CRB1: variants seen among roughly 807,000 people sequenced by gnomAD.
CRB1 encodes protein crumbs homolog 1.
In CRB1, 83 loss-of-function variants were observed where a neutral mutation model predicts 120.0. The observed-to-expected ratio is 0.69, with a 90% CI of 0.58 to 0.83. The LOEUF is 0.83. CRB1 is among the 40% of genes least tolerant of loss of function. The pLI is 0.00. For missense variants in CRB1, 1,699 were observed against 1,687.6 expected, an observed-to-expected ratio of 1.01 and a Z score of -0.12; for synonymous variants, 625 against 612.5, an observed-to-expected ratio of 1.02 and a Z score of -0.30.
intron 11 of CRB1, among the ~76,000 whole-genome samples, chr1:197,473,120 AATTT>A (rs1667052606): frequency 6.6e-6 from 1 of 152,150 alleles, no homozygotes; most frequent in African/African-American, 2.4e-5. Context: ...TCAGGCCTTG[AATTT>A]GCTCTTTCAT....
At chr1:197,296,467 C>T (rs1656527174) in intron 1 of CRB1, among the ~76,000 whole-genome samples, 1 of 152,060 alleles carries the variant, frequency 6.6e-6, no homozygotes. Context: ...GAATTTCCTT[C>T]ATATTTTCTT....
At position 197,288,622 on chromosome 1, in the gene CRB1, A is replaced by G. The variant is rs563426046; in HGVS notation, c.70+20140A>G. 4.6e-5 allele frequency among the ~76,000 whole-genome samples: 7 copies of G among 152,060 alleles called. No homozygotes were observed. The East Asian group carries it at 1.4e-3, about 30-fold the overall frequency. On this transcript the variant is annotated intron_variant, in intron 1 of 11. Coordinates refer to ENST00000367400, the MANE Select transcript of CRB1 (RefSeq NM_201253.3). ...ATTCCAGATGTTCAAAAAGTTAAGT[A>G]GAATTATGAGATATGAGAAAGATTC...
intron 11 of CRB1, among the ~76,000 whole-genome samples, chr1:197,477,069 G>A (rs1043151969): frequency 2.0e-5 from 3 of 152,196 alleles, no homozygotes; most frequent in Non-Finnish European, 4.4e-5. Context: ...TGGATTCAGC[G>A]TTAAGCACAT....
upstream of CRB1, among the ~76,000 whole-genome samples, chr1:197,264,882 C>T (rs1378626694): frequency 6.6e-6 from 1 of 152,042 alleles, no homozygotes; most frequent in Non-Finnish European, 1.5e-5. Context: ...GCCTCAGCCT[C>T]CCAGAGTGCT....
At chr1:197,228,805 A>G in the CRB1 span, among the ~76,000 whole-genome samples, 7 of 152,204 alleles carry the variant, frequency 4.6e-5, no homozygotes, top group African/African-American at 1.7e-4. Flanking sequence ...AAGAGGTTTA[A>G]TTGGATTTAC....
upstream of CRB1, chr1:197,268,138 C>T (rs1654702998): frequency 2.4e-6 from 1 of 421,550 alleles, no homozygotes. Flanking sequence ...GCAGCAAAGG[C>T]TTGAGGGGGG....
At chr1:197,337,413 T>A (rs181813109) in intron 2 of CRB1, among the ~76,000 whole-genome samples, 271 of 152,322 alleles carry the variant, frequency 1.8e-3, no homozygotes, top group African/African-American at 6.3e-3. Flanking sequence ...AGGCTCAGCC[T>A]AGATGTTCTC....
intron 5 of CRB1, among the ~76,000 whole-genome samples, chr1:197,369,531 CA>C (rs140105481): frequency 0.016 from 2,469 of 151,394 alleles, 81 homozygotes; most frequent in African/African-American, 0.057. Flanking sequence ...CTGCCATTGG[CA>C]AAAAAAACTA....
At chr1:197,277,075 A>G (rs1033849930) in intron 1 of CRB1, among the ~76,000 whole-genome samples, 6 of 152,090 alleles carry the variant, frequency 3.9e-5, no homozygotes, top group Admixed American at 3.3e-4. Context: ...TTTGGCAAAC[A>G]CTACAAATCA....
intron 4 of CRB1, among the ~76,000 whole-genome samples, chr1:197,352,584 A>G (rs753385952): frequency 1.3e-5 from 2 of 152,166 alleles, no homozygotes; most frequent in Admixed American, 6.5e-5. Context: ...AATAATATTC[A>G]AAAGGTAGAC....
chr1:197,275,333 A>G (rs755029210), intron 1 of CRB1, among the ~76,000 whole-genome samples: 9 of 152,140 alleles, frequency 5.9e-5, no homozygotes, highest in Admixed American at 2.0e-4. Flanking sequence ...ACTCTGATAT[A>G]TGATTTAAAA....
At chr1:197,229,172 TA>T in the CRB1 span, among the ~76,000 whole-genome samples, 2 of 152,060 alleles carry the variant, frequency 1.3e-5, no homozygotes, top group Admixed American at 6.6e-5. Flanking sequence ...GAGAAATAAA[TA>T]GGTGTTATGT....
intron 11 of CRB1, among the ~76,000 whole-genome samples, chr1:197,471,935 T>C (rs1378785329): frequency 6.6e-6 from 1 of 152,192 alleles, no homozygotes; most frequent in Non-Finnish European, 1.5e-5. Context: ...ATTCCTTTTT[T>C]AAAAAAGTTA....
At chr1:197,291,413 AG>A (rs1276807026) in intron 1 of CRB1, among the ~76,000 whole-genome samples, 2 of 151,760 alleles carry the variant, frequency 1.3e-5, no homozygotes, top group Non-Finnish European at 2.9e-5. Context: ...TAATTTTCTA[AG>A]ATTAGTTGGT....
At chr1:197,231,914 G>A in the CRB1 span, among the ~76,000 whole-genome samples, 8 of 152,152 alleles carry the variant, frequency 5.3e-5, no homozygotes, top group East Asian at 1.9e-4. Flanking sequence ...CCTAATTCTC[G>A]GAACCTGTGA....
chr1:197,357,005 G>C lies in CRB1; in HGVS notation c.1163G>C (p.Gly388Ala). Residue 388 changes from glycine to alanine, a missense_variant, in exon 5 of 12, where the codon GGA becomes GCA. Gly to Ala is a moderately conservative substitution (Grantham distance 60). Transcript: ENST00000367400. ...GGTTATGTCTGTATCTGTCAGCCTG[G>C]ATTCACAGGTGAGGCCAAGGAGATG... is the stretch of plus-strand genomic sequence containing the variant. Reference protein sequence around the residue: ...ASGYVCICQPGFTGIHCEEDV... With the variant: ...ASGYVCICQPAFTGIHCEEDV... The C allele has an allele frequency of 6.2e-7, 1 of 1,614,166 alleles. No homozygotes were observed. Among genetic ancestry groups the C allele is most frequent in the Non-Finnish European group, 8.5e-7 (1 of 1,180,026 alleles).
chr1:197,289,153 AAAAC>A (rs1464489292), intron 1 of CRB1, among the ~76,000 whole-genome samples: 1 of 151,768 alleles, frequency 6.6e-6, no homozygotes, highest in Non-Finnish European at 1.5e-5. Flanking sequence ...AACAAAACAA[AAAAC>A]AAATCCCAAG....
chr1:197,288,422 A>G (rs369661912), intron 1 of CRB1, among the ~76,000 whole-genome samples: 2 of 152,010 alleles, frequency 1.3e-5, no homozygotes, highest in East Asian at 3.9e-4. Flanking sequence ...AAGACTTAAA[A>G]GAACCAAACT....
At chr1:197,215,132 A>G in the CRB1 span, among the ~76,000 whole-genome samples, 1 of 152,206 alleles carries the variant, frequency 6.6e-6, no homozygotes, top group African/African-American at 2.4e-5. Context: ...TCAATGATAA[A>G]AACTCAACAA....
Sources: gnomAD v4.1 joint callset for allele counts (sites outside exome capture counted in the v4.1 genomes callset) on GRCh38, gnomAD v4.1.1 for gene constraint, MANE v1.5 for transcripts, NCBI Gene and HGNC (gene_info 2026-07-23, HGNC 2026-07-21) for gene names.